The following FAM20A variants were observed in gnomAD, a reference collection of about 807,000 sequenced individuals.
FAM20A encodes the protein FAM20A golgi associated secretory pathway pseudokinase.
A neutral mutation model predicts 52.0 loss-of-function variants in FAM20A; 42 were observed. The ratio of observed to expected loss-of-function variants is 0.81; its 90% CI spans 0.63 to 1.04. The LOEUF (loss-of-function observed/expected upper bound fraction) is 1.04, where lower values mean the gene tolerates loss of function less well. FAM20A is among the 50% of genes least tolerant of loss of function. The probability of loss-of-function intolerance (pLI) is 0.00; values close to 1 mark genes in which losing one functional copy is unlikely to be tolerated. For missense variants in FAM20A, 742 were observed against 712.7 expected, an observed-to-expected ratio of 1.04 and a Z score of -0.47; for synonymous variants, 304 against 298.9, an observed-to-expected ratio of 1.02 and a Z score of -0.18.
At chr17:68,584,939 A>G (rs1274130499) in intron 1 of FAM20A, among the ~76,000 whole-genome samples, 2 of 152,320 alleles carry the variant, frequency 1.3e-5, no homozygotes, top group Admixed American at 1.3e-4. Context: ...CAGAGAGGCC[A>G]CTGGTGAGTT....
At chr17:68,571,930 T>C (rs1162704021) in intron 1 of FAM20A, among the ~76,000 whole-genome samples, 1 of 143,174 alleles carries the variant, frequency 7.0e-6, no homozygotes, top group African/African-American at 2.6e-5. Context: ...GATATCAAAC[T>C]TATGTAGAAA....
rs1336089780 is a variant in FAM20A at position 68,536,138 on chromosome 17, G to A, written c.*1339C>T. ...GTGGGGGTACCACGGGGTCAGAAGTGTTATTTGTCCAGTCGAGGCTATCTT... is the reference window on the plus strand; with the variant it reads ...GTGGGGGTACCACGGGGTCAGAAGTATTATTTGTCCAGTCGAGGCTATCTT... On this transcript the variant is annotated 3_prime_UTR_variant, in exon 11 of 11. Transcript: ENST00000592554. 4 of 454,132 alleles carry A rather than the reference G, an allele frequency of 8.8e-6. No homozygotes were observed. The highest frequency in any genetic ancestry group is 6.2e-5 in the South Asian group (4 of 64,476). 28.1% of individuals were successfully genotyped at this position (454,132 alleles called of 1,614,324 possible).
Position 68,548,951 on chromosome 17 carries a change from CT to C in FAM20A, c.719+2921del, listed in dbSNP as rs1204611697. 2.6e-5 allele frequency among the ~76,000 whole-genome samples: 4 copies of C among 151,844 alleles called. No homozygotes were observed. In the East Asian group the frequency reaches 5.9e-4, roughly 22 times the overall value. Reference sequence around the variant, plus strand: ...GTTTCACCGTGTTAGCCAGGATGGTCTTGATCTCCTGACCTCGTGATCTGCC... The same window carrying C: ...GTTTCACCGTGTTAGCCAGGATGGTCTGATCTCCTGACCTCGTGATCTGCC... On this transcript the variant is annotated intron_variant, in intron 4 of 10. Transcript: ENST00000592554.
intron 1 of FAM20A, chr17:68,558,496 C>A (rs572336848): frequency 2.3e-5 from 5 of 214,340 alleles, no homozygotes; most frequent in Admixed American, 2.0e-4. Context: ...GCTCAGAGTT[C>A]ATGTGAGATC....
intron 4 of FAM20A, chr17:68,551,067 G>T: frequency 8.1e-7 from 1 of 1,234,284 alleles, no homozygotes. Context: ...CTCTTGGGGC[G>T]ATTTTCTTTT....
At chr17:68,573,790 C>T (rs1267978173) in intron 1 of FAM20A, among the ~76,000 whole-genome samples, 1 of 151,936 alleles carries the variant, frequency 6.6e-6, no homozygotes, top group African/African-American at 2.4e-5. Flanking sequence ...GTGATTCAGC[C>T]TCCCAAGTAG....
rs754115760 is a variant in FAM20A at position 68,600,404 on chromosome 17, G to C, written c.263C>G (p.Ser88Trp). The C allele has an allele frequency of 6.2e-7, 1 of 1,609,472 alleles. No individual in the cohort carries two copies. Among genetic ancestry groups the C allele is most frequent in the South Asian group, 1.1e-5 (1 of 90,302 alleles). ...GAAGAGGGCCTGCAACTTGGAGCTC[G>C]ACCCGCTGTGGCTGCCGCCAGCCGG... ...TEPAGGSHSG[S>W]SSKLQALFAH... Residue 88 changes from serine (S) to tryptophan (W), a missense_variant, in exon 1 of 11, where the codon TCG (serine) becomes TGG (tryptophan). Ser to Trp is a radical substitution (Grantham distance 177). Coordinates refer to ENST00000592554, the MANE Select transcript of FAM20A (RefSeq NM_017565.4). The surrounding 1 kb of genome is among the most constrained non-coding windows in gnomAD (Gnocchi z 6.2).
chr17:68,580,561 G>C (rs1450974243), intron 1 of FAM20A, among the ~76,000 whole-genome samples: 1 of 152,204 alleles, frequency 6.6e-6, no homozygotes, highest in Non-Finnish European at 1.5e-5. Context: ...CCCGCCCAGA[G>C]AGGGGCATGG....
intron 1 of FAM20A, among the ~76,000 whole-genome samples, chr17:68,571,378 A>G (rs1209639657): frequency 6.6e-6 from 1 of 152,200 alleles, no homozygotes; most frequent in Non-Finnish European, 1.5e-5. Flanking sequence ...ATGCTTGAAC[A>G]CGTTTCCTGC....
chr17:68,554,088 A>G (rs2086983089), intron 3 of FAM20A, among the ~76,000 whole-genome samples: 1 of 146,750 alleles, frequency 6.8e-6, no homozygotes, highest in African/African-American at 2.7e-5. Flanking sequence ...ATATATACAT[A>G]TATACACACA....
chr17:68,596,538 C>CT (rs1388896520), intron 1 of FAM20A, among the ~76,000 whole-genome samples: 2 of 152,224 alleles, frequency 1.3e-5, no homozygotes, highest in Admixed American at 6.5e-5. Context: ...AGCTCAGTAT[C>CT]TAAGAATGCA....
chr17:68,571,979 TATAC>T (rs1188288741), intron 1 of FAM20A, among the ~76,000 whole-genome samples: 46 of 60,698 alleles, frequency 7.6e-4, no homozygotes, highest in South Asian at 1.4e-3. Context: ...TGTGTGTGTA[TATAC>T]ATACATATAT....
chr17:68,572,916 T>C (rs1598052941), intron 1 of FAM20A, among the ~76,000 whole-genome samples: 1 of 152,114 alleles, frequency 6.6e-6, no homozygotes, highest in Admixed American at 6.5e-5. Flanking sequence ...TCTGAGGCAA[T>C]GTGAGTGGGC....
intron 8 of FAM20A, chr17:68,540,406 G>T: frequency 2.2e-6 from 1 of 453,946 alleles, no homozygotes; most frequent in Non-Finnish European, 4.4e-6. Context: ...CTAAGCTCCT[G>T]TATGACGGCC....
chr17:68,541,692 A>G, intron 7 of FAM20A: 1 of 328,966 alleles, frequency 3.0e-6, no homozygotes. Context: ...ATCTGGCTAC[A>G]TGTCTGTTCT....
At chr17:68,584,309 T>G (rs1373968671) in intron 1 of FAM20A, among the ~76,000 whole-genome samples, 1 of 148,044 alleles carries the variant, frequency 6.8e-6, no homozygotes, top group African/African-American at 2.6e-5. Flanking sequence ...AGAGTGAGAC[T>G]CCATCTCAAA....
chr17:68,539,049 A>G (rs890004629), intron 10 of FAM20A, among the ~76,000 whole-genome samples: 3 of 152,244 alleles, frequency 2.0e-5, no homozygotes, highest in African/African-American at 7.2e-5. Context: ...CCTTTACAAC[A>G]CAGTGGTGGA....
intron 2 of FAM20A, among the ~76,000 whole-genome samples, chr17:68,555,278 T>C (rs983243904): frequency 2.0e-5 from 3 of 152,192 alleles, no homozygotes; most frequent in Non-Finnish European, 2.9e-5. Context: ...GGTCTTTGGT[T>C]GAAAGAGAAT....
At chr17:68,540,638 TGAC>T in intron 8 of FAM20A, 2 of 673,916 alleles carry the variant, frequency 3.0e-6, no homozygotes, top group Non-Finnish European at 5.3e-6. Flanking sequence ...GCCTTATGAG[TGAC>T]GACCCCTTGA....
Sources: gnomAD v4.1 joint callset for allele counts (sites outside exome capture counted in the v4.1 genomes callset) on GRCh38, gnomAD v4.1.1 for gene constraint, Gnocchi (gnomAD v3.1) non-coding constraint, MANE v1.5 for transcripts, NCBI Gene and HGNC (gene_info 2026-07-23, HGNC 2026-07-21) for gene names.